The following FAM171A1 variants were observed in gnomAD, a reference collection of about 807,000 sequenced individuals.
FAM171A1 encodes the protein protein FAM171A1.
A neutral mutation model predicts 74.9 loss-of-function variants in FAM171A1; 23 were observed. That is an observed-to-expected ratio of 0.31 (90% confidence interval 0.22 to 0.44). FAM171A1 has a LOEUF of 0.44. Among genes scored for constraint, FAM171A1 ranks in the 20% least tolerant of loss-of-function variants. The pLI is 1.00. For missense variants in FAM171A1, 1,162 were observed against 1,159.2 expected (o/e 1.00, Z -0.03); for synonymous variants, 527 against 505.7 (o/e 1.04, Z -0.57).
intron 1 of FAM171A1, among the ~76,000 whole-genome samples, chr10:15,350,990 A>T (rs146661034): frequency 6.6e-6 from 1 of 152,062 alleles, no homozygotes; most frequent in South Asian, 2.1e-4. Flanking sequence ...CCAGCTCAAA[A>T]GTCACTGCCC....
chr10:15,236,481 C>A (rs910304450), intron 5 of FAM171A1, among the ~76,000 whole-genome samples: 4 of 151,660 alleles, frequency 2.6e-5, no homozygotes, highest in Admixed American at 6.6e-5. Flanking sequence ...AACTGAAGCC[C>A]AGAGACGAAA....
intron 1 of FAM171A1, among the ~76,000 whole-genome samples, chr10:15,294,488 CA>C (rs1835137982): frequency 6.6e-6 from 1 of 152,204 alleles, no homozygotes; most frequent in Non-Finnish European, 1.5e-5. Context: ...CAATTTTTAT[CA>C]GCCAATTGCA....
intron 3 of FAM171A1, among the ~76,000 whole-genome samples, chr10:15,267,601 C>CAAAAAAAA (rs71390026): frequency 5.6e-5 from 3 of 53,378 alleles, no homozygotes; most frequent in African/African-American, 8.8e-5. Context: ...GACACCATCG[C>CAAAAAAAA]AAAAAAAAAA....
At chr10:15,292,845 A>C (rs1275350878) in intron 1 of FAM171A1, among the ~76,000 whole-genome samples, 1 of 152,136 alleles carries the variant, frequency 6.6e-6, no homozygotes, top group Non-Finnish European at 1.5e-5. Flanking sequence ...CCAAAACACA[A>C]TTATCATGCC....
chr10:15,274,053 A>G (rs1388314641), intron 3 of FAM171A1, among the ~76,000 whole-genome samples: 3 of 152,154 alleles, frequency 2.0e-5, no homozygotes, highest in African/African-American at 7.2e-5. Context: ...GGCAGGAGAA[A>G]GAAATAAAGG....
rs140071300 is a variant in FAM171A1 at position 15,342,359 on chromosome 10, C to G, written c.97+28597G>C. On this transcript the variant is annotated intron_variant, in intron 1 of 7. Coordinates refer to ENST00000378116, the MANE Select transcript of FAM171A1 (RefSeq NM_001010924.2). Reference sequence around the variant, plus strand: ...CCAAGGCAGGCAGATCGCTTGCAGTCAGGAGTTCGAGACCAGCCTGGCCAA... The same window carrying G: ...CCAAGGCAGGCAGATCGCTTGCAGTGAGGAGTTCGAGACCAGCCTGGCCAA... Among the ~76,000 whole-genome samples, 383 of 152,292 alleles carry G rather than the reference C, an allele frequency of 2.5e-3. 3 individuals are homozygous for G. Among genetic ancestry groups the G allele is most frequent in the African/African-American group, 8.9e-3 (369 of 41,540 alleles).
At chr10:15,239,534 C>T (rs567009771) in intron 5 of FAM171A1, among the ~76,000 whole-genome samples, 1 of 152,096 alleles carries the variant, frequency 6.6e-6, no homozygotes, top group Admixed American at 6.6e-5. Flanking sequence ...AACTCTTGAC[C>T]TCAAGTGATC....
At chr10:15,368,222 G>A (rs1268990582) in intron 1 of FAM171A1, among the ~76,000 whole-genome samples, 2 of 152,162 alleles carry the variant, frequency 1.3e-5, no homozygotes, top group Non-Finnish European at 2.9e-5. Context: ...TTGCCAATTC[G>A]AAGCAGCTAC....
At chr10:15,226,793 C>A (rs896547187) in intron 5 of FAM171A1, among the ~76,000 whole-genome samples, 2 of 151,954 alleles carry the variant, frequency 1.3e-5, no homozygotes, top group Non-Finnish European at 2.9e-5. Flanking sequence ...TCCCCCCTAC[C>A]CTCATGTTTA....
chr10:15,310,557 C>G (rs765826182), intron 1 of FAM171A1, among the ~76,000 whole-genome samples: 1 of 152,140 alleles, frequency 6.6e-6, no homozygotes, highest in Non-Finnish European at 1.5e-5. Context: ...ACGAAAACTC[C>G]TTCTAGTATA....
At chr10:15,319,533 A>C (rs1420924865) in intron 1 of FAM171A1, among the ~76,000 whole-genome samples, 1 of 152,182 alleles carries the variant, frequency 6.6e-6, no homozygotes, top group Non-Finnish European at 1.5e-5. Flanking sequence ...CCCAGGTTCA[A>C]GTGATTCTCA....
chr10:15,213,586 A>T lies in FAM171A1; in HGVS notation c.2002T>A (p.Ser668Thr). ...GCGTCGTTCAGGGAAGCTGGGATGG[A>T]GAGAGACTCCGACATGGATGCGTTC... ...PQNASMSESL[S>T]IPASLNDAAL... The change falls in exon 8 of 8, where the codon TCC (serine) becomes ACC (threonine). Residue 668 changes from serine to threonine, a missense_variant. Coordinates refer to ENST00000378116, the MANE Select transcript of FAM171A1 (RefSeq NM_001010924.2). This position sits in a 1 kb window ranked among gnomAD's most constrained non-coding sequence, Gnocchi z 6.8. The T allele has an allele frequency of 6.2e-7, 1 of 1,614,142 alleles. No homozygotes were observed. The highest frequency in any genetic ancestry group is 1.1e-5 in the South Asian group (1 of 91,078).
intron 1 of FAM171A1, among the ~76,000 whole-genome samples, chr10:15,321,326 G>A (rs186027916): frequency 4.9e-4 from 74 of 152,202 alleles, no homozygotes; most frequent in Middle Eastern, 6.8e-3. Context: ...TATGTTCAGG[G>A]GTCTTGAGAA....
At position 15,213,390 on chromosome 10, in the gene FAM171A1, T is replaced by C. The variant is rs1158254326; in HGVS notation, c.2198A>G (p.Asn733Ser). The change falls in exon 8 of 8, where the codon AAC becomes AGC. Residue 733 changes from asparagine (N) to serine (S), a missense_variant. Coordinates refer to ENST00000378116, the MANE Select transcript of FAM171A1 (RefSeq NM_001010924.2). The surrounding 1 kb of genome is among the most constrained non-coding windows in gnomAD (Gnocchi z 6.8). ...SYIDLQRAGR[N>S]GSNDASLDSG... ...GTCCAAACTGGCATCATTACTTCCG[T>C]TCCTTCCAGCTCTTTGGAGATCAAT... The C allele has an allele frequency of 1.9e-6, 3 of 1,614,030 alleles. No individual in the cohort carries two copies. The African/African-American group carries it at 4.0e-5, about 22-fold the overall frequency.
At chr10:15,227,139 A>G (rs188291830) in intron 5 of FAM171A1, among the ~76,000 whole-genome samples, 22 of 152,224 alleles carry the variant, frequency 1.4e-4, no homozygotes, top group Non-Finnish European at 3.1e-4. Flanking sequence ...AGCTGGGATT[A>G]CAGGCACCTG....
intron 6 of FAM171A1, among the ~76,000 whole-genome samples, chr10:15,219,193 A>T (rs1004737742): frequency 2.0e-5 from 3 of 152,140 alleles, no homozygotes; most frequent in Non-Finnish European, 2.9e-5. Flanking sequence ...GAGGCAGGAT[A>T]ATTGCTTGAA....
intron 1 of FAM171A1, among the ~76,000 whole-genome samples, chr10:15,336,243 C>T (rs988605318): frequency 6.6e-6 from 1 of 152,162 alleles, no homozygotes; most frequent in Admixed American, 6.5e-5. Context: ...ATCTGCCACC[C>T]CCAGGTTGAT....
chr10:15,255,758 C>G (rs905059237), intron 3 of FAM171A1, among the ~76,000 whole-genome samples: 1 of 152,024 alleles, frequency 6.6e-6, no homozygotes, highest in Non-Finnish European at 1.5e-5. Context: ...AGCGATTCCC[C>G]TGCCTCAGTC....
intron 3 of FAM171A1, among the ~76,000 whole-genome samples, chr10:15,270,212 G>A (rs972801419): frequency 3.3e-5 from 5 of 152,116 alleles, no homozygotes; most frequent in Non-Finnish European, 7.4e-5. Flanking sequence ...CTTAGCAAAC[G>A]GCACACCAGG....
Sources: gnomAD v4.1 joint callset for allele counts (sites outside exome capture counted in the v4.1 genomes callset) on GRCh38, gnomAD v4.1.1 for gene constraint, Gnocchi (gnomAD v3.1) non-coding constraint, MANE v1.5 for transcripts, NCBI Gene and HGNC (gene_info 2026-07-23, HGNC 2026-07-21) for gene names.